The following LSMEM1 variants were observed in gnomAD, a reference collection of about 807,000 sequenced individuals.
LSMEM1 encodes the protein leucine rich single-pass membrane protein 1.
LSMEM1 carries 10 observed loss-of-function variants against 11.3 expected under a neutral mutation model. That is an observed-to-expected ratio of 0.89 (90% CI 0.55 to 1.50). The LOEUF (loss-of-function observed/expected upper bound fraction) is 1.50. LSMEM1 is among the 40% of genes most tolerant of loss of function. The pLI is 0.00. For synonymous variants in LSMEM1, 65 were observed against 59.3 expected (o/e 1.10, Z -0.44); for missense variants, 151 against 152.9 (o/e 0.99, Z 0.06).
In LSMEM1 at chr7:112,487,014, C is replaced by T. The variant is rs770742768; in HGVS notation, c.219C>T (p.Val73=). 1 of 1,614,134 alleles carries T rather than the reference C, an allele frequency of 6.2e-7. No homozygotes were observed. The change falls in exon 3 of 4, where the codon GTC becomes GTT. Residue 73 remains valine (V), a synonymous_variant. Transcript: ENST00000312849. ...FFVGLLIVLI[V]SLALVFFVIF... ...TGGGGCTGCTAATTGTGCTGATTGT[C>T]AGCCTGGCACTGGTTTTTTTCGTGA... is the stretch of plus-strand genomic sequence containing the variant.
rs773873329 is a variant in LSMEM1 at position 112,489,908 on chromosome 7, C to T, written c.355C>T (p.Arg119Ter). 1.6e-5 allele frequency: 26 copies of T among 1,614,004 alleles called. No individual in the cohort carries two copies. The highest frequency in any genetic ancestry group is 1.1e-4 in the South Asian group (10 of 91,052). The part of the protein sequence containing the change: ...LKRINNMIVK[R>*]LNQLNQLDSE... ...GAGAATCAATAACATGATCGTAAAG[C>T]GACTCAACCAACTCAACCAACTGGA... The change falls in exon 4 of 4, where the codon CGA becomes TGA. Residue 119 changes from arginine (R) to a stop codon, truncating the protein, a stop_gained. Coordinates refer to ENST00000312849, the MANE Select transcript of LSMEM1 (RefSeq NM_182597.3). LOFTEE classifies it high-confidence loss of function.
Position 112,489,970 on chromosome 7 carries a change from A to G in LSMEM1, c.*21A>G, listed in dbSNP as rs530083203. On this transcript the variant is annotated 3_prime_UTR_variant, in exon 4 of 4. Coordinates refer to ENST00000312849, the MANE Select transcript of LSMEM1 (RefSeq NM_182597.3). Reference sequence around the variant, plus strand: ...ACTAAAGGAATGATTTTCTGAAAGCACCTGCTAACACCTTGAGCTTTTTAC... The same window carrying G: ...ACTAAAGGAATGATTTTCTGAAAGCGCCTGCTAACACCTTGAGCTTTTTAC... 1 of 1,604,612 alleles carries G rather than the reference A, an allele frequency of 6.2e-7. No homozygotes were observed. Among genetic ancestry groups the G allele is most frequent in the African/African-American group, 1.3e-5 (1 of 74,512 alleles).
chr7:112,489,400 G>A (rs923645744), intron 3 of LSMEM1, among the ~76,000 whole-genome samples: 5 of 152,184 alleles, frequency 3.3e-5, no homozygotes, highest in African/African-American at 1.2e-4. Flanking sequence ...GCAGACTTAT[G>A]TCAAAATAGG....
chr7:112,489,660 CT>C, intron 3 of LSMEM1, 149 bp from the exon 4 acceptor site: 1 of 817,082 alleles, frequency 1.2e-6, no homozygotes, highest in Non-Finnish European at 1.9e-6. Context: ...ACCAGTTTCT[CT>C]ACTGGGCTTC....
At chr7:112,489,207 A>G (rs768252595) in intron 3 of LSMEM1, among the ~76,000 whole-genome samples, 19 of 152,330 alleles carry the variant, frequency 1.2e-4, no homozygotes, top group Non-Finnish European at 2.4e-4. Context: ...TAAGTTTATT[A>G]TCTTAAATCC....
intron 1 of LSMEM1, among the ~76,000 whole-genome samples, chr7:112,483,780 G>A (rs534408844): frequency 6.6e-4 from 100 of 152,292 alleles, no homozygotes; most frequent in African/African-American, 2.3e-3. Context: ...TTACCTCGCC[G>A]AGCTTCCATT....
intron 1 of LSMEM1, among the ~76,000 whole-genome samples, chr7:112,483,089 A>G (rs536330083): frequency 1.3e-5 from 2 of 150,932 alleles, no homozygotes; most frequent in Non-Finnish European, 2.9e-5. Context: ...TAAATTGCTC[A>G]GTAAGTGTCT....
intron 3 of LSMEM1, among the ~76,000 whole-genome samples, chr7:112,489,157 A>G (rs112656673): frequency 2.0e-5 from 3 of 152,330 alleles, no homozygotes; most frequent in African/African-American, 7.2e-5. Context: ...AATAAAGAAG[A>G]GTGTTTTTTT....
At chr7:112,486,829 TACTC>T in intron 2 of LSMEM1, 90 bp from the exon 3 acceptor site, 1 of 1,529,400 alleles carries the variant, frequency 6.5e-7, no homozygotes, top group Non-Finnish European at 8.8e-7. Flanking sequence ...GTGTGTCCAT[TACTC>T]ACGGTCTAAC....
At chr7:112,486,250 T>C in intron 2 of LSMEM1, 1 of 312,584 alleles carries the variant, frequency 3.2e-6, no homozygotes, top group South Asian at 2.6e-5. Context: ...GTTTTACTCC[T>C]GGGTTACTTT....
chr7:112,480,737 TCA>T, upstream of LSMEM1: 2 of 448,790 alleles, frequency 4.5e-6, no homozygotes, highest in Admixed American at 2.4e-5. Context: ...AATCGCCCAC[TCA>T]CAATCGCTTT....
rs77486011 is a variant in LSMEM1 at position 112,484,443 on chromosome 7, G to T, written c.-5-369G>T. The stretch of plus-strand genomic sequence containing the variant: ...CCAGAATGTGAACAATGTAATAAAA[G>T]AAAAATTTTAAAATTAGTTACAAAA... On this transcript the variant is annotated intron_variant, in intron 1 of 3. Coordinates refer to ENST00000312849, the MANE Select transcript of LSMEM1 (RefSeq NM_182597.3). Among the ~76,000 whole-genome samples the T allele has an allele frequency of 2.4e-3, 359 of 152,168 alleles. 3 individuals are homozygous for T. The highest frequency in any genetic ancestry group is 8.0e-3 in the African/African-American group (332 of 41,504).
chr7:112,487,001 T>A lies in LSMEM1; in HGVS notation c.206T>A (p.Ile69Asn). ...SRSLFFVGLL[I>N]VLIVSLALVF... is the part of the protein sequence containing the mutation. ...AGTCTGTTTTTTGTGGGGCTGCTAA[T>A]TGTGCTGATTGTCAGCCTGGCACTG... Residue 69 changes from isoleucine (I) to asparagine (N), a missense_variant, in exon 3 of 4, where the codon ATT becomes AAT. Coordinates refer to ENST00000312849, the MANE Select transcript of LSMEM1 (RefSeq NM_182597.3). The A allele has an allele frequency of 1.2e-6, 2 of 1,614,214 alleles. No homozygotes were observed. The highest frequency in any genetic ancestry group is 1.7e-6 in the Non-Finnish European group (2 of 1,180,024).
chr7:112,485,791 A>G (rs1286078507), intron 2 of LSMEM1, among the ~76,000 whole-genome samples: 1 of 152,030 alleles, frequency 6.6e-6, no homozygotes, highest in South Asian at 2.1e-4. Context: ...GGCATGGGAC[A>G]TAAGCCACCC....
rs1458431608 is a variant in LSMEM1 at position 112,484,933 on chromosome 7, G to A, written c.117G>A (p.Gln39=). The change falls in exon 2 of 4, where the codon CAG becomes CAA. Residue 39 remains glutamine, a synonymous_variant. Transcript: ENST00000312849. Reference sequence around the variant, plus strand: ...TAAACCTCTGTCCAGCCGGATCGCAGCATCTGTTCCGTATGTGTGCTGGGG... The same window carrying A: ...TAAACCTCTGTCCAGCCGGATCGCAACATCTGTTCCGTATGTGTGCTGGGG... ...NKLNLCPAGS[Q]HLFPLEDKIP... The A allele has an allele frequency of 6.2e-7, 1 of 1,611,932 alleles. No individual in the cohort carries two copies. Among genetic ancestry groups the A allele is most frequent in the Non-Finnish European group, 8.5e-7 (1 of 1,178,650 alleles).
At chr7:112,486,367 C>T (rs199628759) in intron 2 of LSMEM1, 16 of 454,462 alleles carry the variant, frequency 3.5e-5, no homozygotes, top group Non-Finnish European at 6.7e-5. Context: ...AGACAGTCTT[C>T]AAAGAACTTT....
intron 2 of LSMEM1, 145 bp from the exon 3 acceptor site, chr7:112,486,775 CAAA>C (rs925655074): frequency 9.1e-6 from 10 of 1,095,072 alleles, no homozygotes; most frequent in Middle Eastern, 6.0e-4. Context: ...GACTCTGTCT[CAAA>C]AAAAAAGAGT....
At chr7:112,483,982 T>G (rs1385922623) in intron 1 of LSMEM1, among the ~76,000 whole-genome samples, 1 of 152,248 alleles carries the variant, frequency 6.6e-6, no homozygotes, top group Admixed American at 6.5e-5. Context: ...GAGATACATC[T>G]CCACATAAAC....
upstream of LSMEM1, chr7:112,480,753 T>C (rs1796015945): frequency 4.4e-6 from 2 of 453,078 alleles, no homozygotes; most frequent in Admixed American, 4.7e-5. Context: ...TCGCTTTTTG[T>C]AGCTACTGGA....
Sources: gnomAD v4.1 joint callset for allele counts (sites outside exome capture counted in the v4.1 genomes callset) on GRCh38, gnomAD v4.1.1 for gene constraint, MANE v1.5 for transcripts, NCBI Gene and HGNC (gene_info 2026-07-23, HGNC 2026-07-21) for gene names.